Variants in CGNL1 observed in about 807,000 individuals in gnomAD.
The protein encoded by CGNL1 is cingulin-like protein 1.
A neutral mutation model predicts 141.2 loss-of-function variants in CGNL1; 132 were observed. The observed-to-expected ratio is 0.93, with a 90% confidence interval of 0.81 to 1.08. CGNL1 has a LOEUF of 1.08. Among genes scored for constraint, CGNL1 ranks in the 50% least tolerant of loss-of-function variants. The pLI is 0.00. For synonymous variants in CGNL1, 690 were observed against 622.1 expected, an observed-to-expected ratio of 1.11 and a Z score of -1.63; for missense variants, 1,870 against 1,588.6, an observed-to-expected ratio of 1.18 and a Z score of -3.01.
chr15:57,448,764 C>A (rs559269351), intron 4 of CGNL1, among the ~76,000 whole-genome samples: 1 of 151,544 alleles, frequency 6.6e-6, no homozygotes, highest in African/African-American at 2.4e-5. Context: ...ATCTCTATGT[C>A]TGTTGTTTAT....
intron 12 of CGNL1, among the ~76,000 whole-genome samples, chr15:57,528,022 A>C (rs1160023989): frequency 2.0e-5 from 3 of 152,204 alleles, no homozygotes; most frequent in Non-Finnish European, 4.4e-5. Flanking sequence ...ACTTTGGGAG[A>C]CTGAGGCGGG....
At chr15:57,402,668 C>G (rs1247758711) in intron 1 of CGNL1, 1 of 152,202 alleles carries the variant, frequency 6.6e-6, no homozygotes, top group South Asian at 2.1e-4. Flanking sequence ...CAGTGTGTCT[C>G]CAACACCATC....
At chr15:57,463,924 G>C (rs2063477038) in intron 8 of CGNL1, among the ~76,000 whole-genome samples, 1 of 152,156 alleles carries the variant, frequency 6.6e-6, no homozygotes, top group Admixed American at 6.5e-5. Context: ...GGTGGAGTTA[G>C]TTGCACCTTC....
intron 7 of CGNL1, among the ~76,000 whole-genome samples, chr15:57,460,959 C>T (rs1013639729): frequency 1.1e-4 from 17 of 152,016 alleles, no homozygotes; most frequent in African/African-American, 3.9e-4. Context: ...GCCCACATCT[C>T]TCTGGCTGAG....
At chr15:57,486,517 C>T (rs1344000584) in intron 8 of CGNL1, among the ~76,000 whole-genome samples, 5 of 152,218 alleles carry the variant, frequency 3.3e-5, no homozygotes, top group African/African-American at 7.2e-5. Context: ...TCCAGTCTTC[C>T]TCTCTCTTAT....
chr15:57,524,501 G>A, intron 11 of CGNL1, 80 bp from the exon 12 acceptor site: 1 of 1,264,458 alleles, frequency 7.9e-7, no homozygotes, highest in Non-Finnish European at 1.1e-6. Flanking sequence ...AAGAGGAGAT[G>A]TGCTGTGTGT....
At chr15:57,515,347 C>G (rs1190808657) in intron 8 of CGNL1, among the ~76,000 whole-genome samples, 22 of 152,198 alleles carry the variant, frequency 1.4e-4, no homozygotes, top group Non-Finnish European at 2.9e-5. Context: ...CTGAAATTCT[C>G]TAACTGGTTA....
chr15:57,444,262 A>C (rs2063225362), intron 4 of CGNL1, among the ~76,000 whole-genome samples: 2 of 152,154 alleles, frequency 1.3e-5, no homozygotes, highest in African/African-American at 4.8e-5. Flanking sequence ...TTAGTGTTGC[A>C]TGTACTCGTA....
chr15:57,442,905 C>T (rs1257356171), intron 4 of CGNL1, among the ~76,000 whole-genome samples: 1 of 152,196 alleles, frequency 6.6e-6, no homozygotes, highest in African/African-American at 2.4e-5. Context: ...AGGCGTAAGC[C>T]ACCATGCTTG....
chr15:57,544,393 G>A lies in CGNL1; in HGVS notation c.3376-80G>A. 1.9e-6 allele frequency: 3 copies of A among 1,553,660 alleles called. No homozygotes were observed. The Admixed American group carries it at 5.3e-5, about 27-fold the overall frequency. On this transcript the variant is annotated intron_variant, in intron 15 of 18. Coordinates refer to ENST00000281282, the MANE Select transcript of CGNL1 (RefSeq NM_032866.5). Reference sequence around the variant, plus strand: ...ATCGCATGCAGCGACCAAACACCAGGTTCTGCCCCATATTCTTCGCTGCTC... The same window carrying A: ...ATCGCATGCAGCGACCAAACACCAGATTCTGCCCCATATTCTTCGCTGCTC...
At chr15:57,485,074 T>G (rs185839768) in intron 8 of CGNL1, among the ~76,000 whole-genome samples, 101 of 152,138 alleles carry the variant, frequency 6.6e-4, no homozygotes, top group Middle Eastern at 3.4e-3. Context: ...CAGACTTCCT[T>G]TTTTCTAGTA....
chr15:57,426,798 C>T (rs2062980650), intron 1 of CGNL1, among the ~76,000 whole-genome samples: 2 of 152,020 alleles, frequency 1.3e-5, no homozygotes, highest in South Asian at 4.1e-4. Context: ...CATGAATGGT[C>T]CTTCTCCCTC....
chr15:57,470,677 C>T (rs2063571352), intron 8 of CGNL1, among the ~76,000 whole-genome samples: 1 of 152,142 alleles, frequency 6.6e-6, no homozygotes, highest in African/African-American at 2.4e-5. Flanking sequence ...TTTTCTGTGC[C>T]AGCGCGGTGC....
chr15:57,400,246 G>A (rs1406212675), intron 1 of CGNL1, among the ~76,000 whole-genome samples: 6 of 152,104 alleles, frequency 3.9e-5, no homozygotes, highest in African/African-American at 1.4e-4. Context: ...GCCCGCCTCG[G>A]CCTCCCAAAG....
intron 16 of CGNL1, 117 bp downstream of exon 16, chr15:57,544,714 A>T (rs1210118284): frequency 8.4e-7 from 1 of 1,188,834 alleles, no homozygotes; most frequent in Admixed American, 2.5e-5. Context: ...AGGAAGGCAG[A>T]GCAACTACAC....
At chr15:57,424,525 T>C (rs1052463330) in intron 1 of CGNL1, among the ~76,000 whole-genome samples, 1 of 152,212 alleles carries the variant, frequency 6.6e-6, no homozygotes, top group Non-Finnish European at 1.5e-5. Flanking sequence ...TGTTAGTAAT[T>C]ACATAAAGCA....
chr15:57,481,315 T>A (rs1281283055), intron 8 of CGNL1, among the ~76,000 whole-genome samples: 1 of 152,142 alleles, frequency 6.6e-6, no homozygotes, highest in African/African-American at 2.4e-5. Flanking sequence ...ATTCTTCATG[T>A]TGTCCTTTTA....
chr15:57,521,815 G>A (rs1338485045), intron 10 of CGNL1, among the ~76,000 whole-genome samples: 2 of 152,106 alleles, frequency 1.3e-5, no homozygotes, highest in African/African-American at 4.8e-5. Flanking sequence ...GAGCCCTTGG[G>A]ATTGGGGTCT....
At chr15:57,377,940 T>C (rs2062383476) in intron 1 of CGNL1, among the ~76,000 whole-genome samples, 1 of 152,202 alleles carries the variant, frequency 6.6e-6, no homozygotes, top group South Asian at 2.1e-4. Flanking sequence ...GAATTTTCCT[T>C]CAAAAAGCCA....
Sources: allele counts gnomAD v4.1 joint callset (sites outside exome capture counted in the v4.1 genomes callset), GRCh38; gene constraint gnomAD v4.1.1; transcripts MANE v1.5; gene names NCBI Gene and HGNC (gene_info 2026-07-23, HGNC 2026-07-21).